Variants in LIMK2 observed in about 807,000 individuals in gnomAD.
The protein encoded by LIMK2 is LIM domain kinase 2.
In LIMK2, 35 loss-of-function variants were observed where a neutral mutation model predicts 75.7. The ratio of observed to expected loss-of-function variants is 0.46; its 90% CI spans 0.35 to 0.61. The LOEUF (loss-of-function observed/expected upper bound fraction) is 0.61, where lower values mean the gene tolerates loss of function less well. LIMK2 is among the 20% of genes least tolerant of loss of function. The probability of loss-of-function intolerance (pLI) is 0.00; values close to 1 mark genes in which losing one functional copy is unlikely to be tolerated. For missense variants in LIMK2, 623 were observed against 831.0 expected (o/e 0.75, Z 3.08); for synonymous variants, 301 against 319.2 (o/e 0.94, Z 0.61).
At chr22:31,233,837 A>T (rs559815369) in intron 2 of LIMK2, among the ~76,000 whole-genome samples, 1 of 152,254 alleles carries the variant, frequency 6.6e-6, no homozygotes, top group Admixed American at 6.5e-5. Context: ...CAAGCCTATC[A>T]GTTTTATCTC....
chr22:31,259,790 C>A, intron 4 of LIMK2, 99 bp from the exon 5 acceptor site: 1 of 988,778 alleles, frequency 1.0e-6, no homozygotes, highest in Non-Finnish European at 1.4e-6. Flanking sequence ...GGTAGTGAGA[C>A]TATGGGTACT....
At chr22:31,246,686 G>A (rs2048673180) in intron 2 of LIMK2, among the ~76,000 whole-genome samples, 1 of 150,420 alleles carries the variant, frequency 6.6e-6, no homozygotes, top group Admixed American at 6.6e-5. Flanking sequence ...CCAGAAGGTC[G>A]AGGTCAAGAT....
intron 2 of LIMK2, among the ~76,000 whole-genome samples, chr22:31,242,971 G>A (rs894027058): frequency 6.6e-6 from 1 of 152,194 alleles, no homozygotes; most frequent in Non-Finnish European, 1.5e-5. Context: ...CACCTAGGCT[G>A]GTGTGCAATG....
intron 2 of LIMK2, chr22:31,248,883 C>A: frequency 8.7e-7 from 1 of 1,145,088 alleles, no homozygotes; most frequent in Non-Finnish European, 1.3e-6. Context: ...TTCTGCCGGG[C>A]AGAAGCCAGC....
Position 31,260,003 on chromosome 22 carries a change from T to C in LIMK2, c.477T>C (p.Thr159=), listed in dbSNP as rs2048822477. ...SVTLISMPAT[T]EGRRGFSVSV... ...CGCTCATCTCCATGCCGGCCACCAC[T>C]GAAGGCAGGCGGGGCTTCTCCGTGT... The change falls in exon 5 of 16, where the codon ACT becomes ACC. Residue 159 remains threonine, a synonymous_variant. Coordinates refer to ENST00000331728, the MANE Select transcript of LIMK2 (RefSeq NM_005569.4). 1.2e-6 allele frequency: 2 copies of C among 1,611,376 alleles called. No homozygotes were observed. Among genetic ancestry groups the C allele is most frequent in the Non-Finnish European group, 1.7e-6 (2 of 1,179,292 alleles).
intron 15 of LIMK2, among the ~76,000 whole-genome samples, chr22:31,277,922 G>GA (rs2049048830): frequency 6.6e-6 from 1 of 152,142 alleles, no homozygotes; most frequent in African/African-American, 2.4e-5. Context: ...CATAAACATG[G>GA]AGGAGGAGGA....
intron 3 of LIMK2, chr22:31,258,819 T>C: frequency 2.4e-6 from 1 of 421,918 alleles, no homozygotes; most frequent in Non-Finnish European, 4.4e-6. Context: ...GACAAACGAC[T>C]TTAAGCATAG....
chr22:31,222,353 G>A (rs2048441918), intron 1 of LIMK2, among the ~76,000 whole-genome samples: 2 of 143,296 alleles, frequency 1.4e-5, no homozygotes, highest in East Asian at 2.1e-4. Flanking sequence ...TTACAGGCAT[G>A]AGCCACCGTG....
Position 31,262,908 on chromosome 22 carries a change from T to C in LIMK2, c.854+117T>C. ...GAACCAGCTGGCCAGGGACAGACTATGAGGATTGTGCTGACCCAGCTGCCC... is the reference window on the plus strand; with the variant it reads ...GAACCAGCTGGCCAGGGACAGACTACGAGGATTGTGCTGACCCAGCTGCCC... On this transcript the variant is annotated intron_variant, in intron 7 of 15. Coordinates refer to ENST00000331728, the MANE Select transcript of LIMK2 (RefSeq NM_005569.4). This position sits in a 1 kb window ranked among gnomAD's most constrained non-coding sequence, Gnocchi z 5.0. 1 of 972,348 alleles carries C rather than the reference T, an allele frequency of 1.0e-6. No individual in the cohort carries two copies. The highest frequency in any genetic ancestry group is 1.7e-5 in the African/African-American group (1 of 60,378). 60.2% of individuals were successfully genotyped at this position (972,348 alleles called of 1,614,324 possible). A position where few individuals can be genotyped will look rare whatever the true frequency, so the allele number is the denominator to read the frequency against.
rs62237444 is a variant in LIMK2, at chr22:31,236,796, C to A, written c.116+10977C>A. Among the ~76,000 whole-genome samples, 563 of 151,392 alleles carry A rather than the reference C, an allele frequency of 3.7e-3. 4 individuals are homozygous for A. The highest frequency in any genetic ancestry group is 5.5e-3 in the Non-Finnish European group (375 of 67,862). On this transcript the variant is annotated intron_variant, in intron 2 of 15. Transcript: ENST00000331728. ...AGGCATGGTGGCATGCTCCTGTAGT[C>A]CCAGCTACTCACTTGGAGGCTGAGG...
chr22:31,253,284 T>G (rs1399864342), intron 2 of LIMK2, among the ~76,000 whole-genome samples: 1 of 152,214 alleles, frequency 6.6e-6, no homozygotes, highest in Non-Finnish European at 1.5e-5. Context: ...TGACTTTCAC[T>G]TGAAACTTCC....
At chr22:31,266,849 C>A in intron 8 of LIMK2, 135 bp from the exon 9 acceptor site, 1 of 672,706 alleles carries the variant, frequency 1.5e-6, no homozygotes, top group Non-Finnish European at 2.7e-6. Flanking sequence ...GCATCTTCCA[C>A]ACATGAACTC....
chr22:31,277,043 T>G (rs1569005806), intron 15 of LIMK2: 1 of 1,613,932 alleles, frequency 6.2e-7, no homozygotes, highest in Admixed American at 1.7e-5. Context: ...GTCAAGGAGC[T>G]GCTGGTTGAC....
intron 1 of LIMK2, among the ~76,000 whole-genome samples, chr22:31,224,256 C>G (rs934887937): frequency 6.6e-6 from 1 of 152,080 alleles, no homozygotes; most frequent in African/African-American, 2.4e-5. Context: ...GAACATGGAC[C>G]GACTCTGTGC....
rs149642975 is a variant in LIMK2, at chr22:31,214,547, A to G, written c.16+2123A>G. Among the ~76,000 whole-genome samples the G allele has an allele frequency of 6.5e-3, 953 of 147,482 alleles. 16 individuals carry two copies. The highest frequency in any genetic ancestry group is 0.022 in the African/African-American group (864 of 39,952). On this transcript the variant is annotated intron_variant, in intron 1 of 15. Coordinates refer to ENST00000331728, the MANE Select transcript of LIMK2 (RefSeq NM_005569.4). ...GGTTTCAAGCCATCCTCCTGTCTCAACCTCCCAAAGTGCTGGGATTACAGG... is the reference window on the plus strand; with the variant it reads ...GGTTTCAAGCCATCCTCCTGTCTCAGCCTCCCAAAGTGCTGGGATTACAGG...
chr22:31,272,751 T>C (rs2048972770), intron 13 of LIMK2, 47 bp downstream of exon 13: 2 of 1,530,714 alleles, frequency 1.3e-6, no homozygotes, highest in Non-Finnish European at 1.8e-6. Flanking sequence ...GGAGGACAGA[T>C]GCTGCCCTTG....
At chr22:31,219,764 G>A (rs1385439010) in intron 1 of LIMK2, among the ~76,000 whole-genome samples, 1 of 152,042 alleles carries the variant, frequency 6.6e-6, no homozygotes, top group Non-Finnish European at 1.5e-5. Flanking sequence ...AGTAGAGATA[G>A]GGTTTCACCG....
intron 11 of LIMK2, among the ~76,000 whole-genome samples, chr22:31,269,674 C>G (rs368294147): frequency 6.6e-6 from 1 of 151,038 alleles, no homozygotes; most frequent in Non-Finnish European, 1.5e-5. Flanking sequence ...CTCAGGAGGC[C>G]GAGGCAGGAG....
chr22:31,221,775 G>A (rs941585221), intron 1 of LIMK2, among the ~76,000 whole-genome samples: 1 of 152,092 alleles, frequency 6.6e-6, no homozygotes, highest in South Asian at 2.1e-4. Flanking sequence ...GAGCCACTGC[G>A]CCCGGCCCTC....
Sources: allele counts gnomAD v4.1 joint callset (sites outside exome capture counted in the v4.1 genomes callset), GRCh38; gene constraint gnomAD v4.1.1; non-coding constraint Gnocchi (gnomAD v3.1); transcripts MANE v1.5; gene names NCBI Gene and HGNC (gene_info 2026-07-23, HGNC 2026-07-21).